ANK2: variants seen among roughly 807,000 people sequenced by gnomAD.
The protein encoded by ANK2 is ankyrin-2.
ANK2 carries 83 observed loss-of-function variants against 360.5 expected under a neutral mutation model. The observed-to-expected ratio is 0.23, with a 90% CI of 0.19 to 0.28. The LOEUF (loss-of-function observed/expected upper bound fraction) is 0.28. ANK2 is among the 10% of genes least tolerant of loss of function. ANK2 has a pLI of 1.00. For missense variants in ANK2, 4,201 were observed against 4,795.7 expected (o/e 0.88, Z 3.66); for synonymous variants, 1,740 against 1,759.5 (o/e 0.99, Z 0.28).
chr4:112,788,661 C>T, the ANK2 span: 49 of 1,601,082 alleles, frequency 3.1e-5, no homozygotes, highest in East Asian at 6.7e-5. Flanking sequence ...CACTTTCAGC[C>T]GCTTATAGAG....
the ANK2 span, among the ~76,000 whole-genome samples, chr4:112,717,786 A>AC: frequency 2.3e-4 from 2 of 8,854 alleles, no homozygotes; most frequent in Admixed American, 2.2e-3. Context: ...TACTTTAAAA[A>AC]AAAAATATTT....
At chr4:113,186,606 T>TCTCC (rs1562729617) in intron 2 of ANK2, among the ~76,000 whole-genome samples, 1 of 129,450 alleles carries the variant, frequency 7.7e-6, no homozygotes, top group African/African-American at 3.0e-5. Flanking sequence ...TCTCTCTCTC[T>TCTCC]CCCTCACTCA....
the ANK2 span, among the ~76,000 whole-genome samples, chr4:112,767,047 A>G: frequency 1.3e-5 from 2 of 152,242 alleles, no homozygotes; most frequent in African/African-American, 4.8e-5. Context: ...TATTGCTCAT[A>G]TATTTTGAAT....
At chr4:113,335,488 T>C (rs1588478363) in intron 29 of ANK2, among the ~76,000 whole-genome samples, 1 of 152,190 alleles carries the variant, frequency 6.6e-6, no homozygotes, top group Admixed American at 6.5e-5. Flanking sequence ...TTCCATCACA[T>C]GAACCAGGAA....
intron 2 of ANK2, among the ~76,000 whole-genome samples, chr4:113,000,736 TC>T (rs1485815753): frequency 2.6e-5 from 4 of 152,192 alleles, no homozygotes; most frequent in Non-Finnish European, 4.4e-5. Flanking sequence ...GCCAATCACA[TC>T]ATCCACCAGC....
Position 112,855,265 on chromosome 4 carries a change from G to A in ANK2, c.-40+37001G>A, listed in dbSNP as rs115107205. Among the ~76,000 whole-genome samples, 488 of 152,298 alleles carry A rather than the reference G, an allele frequency of 3.2e-3. 2 individuals carry two copies. The highest frequency in any genetic ancestry group is 0.011 in the African/African-American group (461 of 41,566). ...TGCTGGCCCAGAGCTGTGTTCTTCTGTAATCTCTCACTGTCCACCAGTCTG... is the reference window on the plus strand; with the variant it reads ...TGCTGGCCCAGAGCTGTGTTCTTCTATAATCTCTCACTGTCCACCAGTCTG... On this transcript the variant is annotated intron_variant, in intron 1 of 30. Coordinates refer to the ANK2 transcript ENST00000503271.
chr4:112,795,207 C>G, the ANK2 span, among the ~76,000 whole-genome samples: 2 of 152,250 alleles, frequency 1.3e-5, no homozygotes, highest in Admixed American at 1.3e-4. Context: ...ATTGAGATTA[C>G]CACTCTCCAC....
intron 1 of ANK2, among the ~76,000 whole-genome samples, chr4:112,877,957 C>T (rs1004251119): frequency 2.0e-5 from 3 of 152,188 alleles, no homozygotes; most frequent in Non-Finnish European, 4.4e-5. Context: ...TAAAAAATTA[C>T]TTGTTGAATG....
At chr4:113,326,042 T>G (rs1276652486) in intron 26 of ANK2, among the ~76,000 whole-genome samples, 1 of 152,210 alleles carries the variant, frequency 6.6e-6, no homozygotes, top group Non-Finnish European at 1.5e-5. Flanking sequence ...ATCACATTGA[T>G]TCAGTCAACT....
the ANK2 span, among the ~76,000 whole-genome samples, chr4:112,793,977 G>A: frequency 3.3e-5 from 5 of 152,094 alleles, no homozygotes; most frequent in Admixed American, 1.3e-4. Flanking sequence ...GATTACAGGC[G>A]TGAGCCACTG....
At chr4:112,994,491 G>A (rs6820742) in intron 2 of ANK2, among the ~76,000 whole-genome samples, 116,728 of 152,102 alleles carry the variant, frequency 0.77, 45,021 homozygotes, top group East Asian at 0.9. Flanking sequence ...AGTATTGTGG[G>A]AGTTTTCTGT....
chr4:113,254,490 C>T (rs1209548018), intron 10 of ANK2, among the ~76,000 whole-genome samples: 1 of 152,220 alleles, frequency 6.6e-6, no homozygotes, highest in Non-Finnish European at 1.5e-5. Flanking sequence ...ACACTCCAGT[C>T]CAAACGTCAT....
intron 44 of ANK2, 26 bp downstream of exon 44, chr4:113,373,199 G>A (rs2154073769): frequency 1.2e-6 from 2 of 1,611,290 alleles, no homozygotes; most frequent in Non-Finnish European, 1.7e-6. Context: ...TCCTAACAGG[G>A]TTGATTACAA....
chr4:112,883,894 A>G (rs938355968), intron 1 of ANK2, among the ~76,000 whole-genome samples: 3 of 148,554 alleles, frequency 2.0e-5, no homozygotes, highest in Non-Finnish European at 3.0e-5. Context: ...ATATATGTGT[A>G]TATATATATA....
intron 2 of ANK2, among the ~76,000 whole-genome samples, chr4:113,190,638 T>C (rs1241194771): frequency 6.6e-6 from 1 of 151,994 alleles, no homozygotes; most frequent in African/African-American, 2.4e-5. Context: ...AGGCCATTGG[T>C]TTTTGTGTTA....
At chr4:112,761,134 C>A in the ANK2 span, among the ~76,000 whole-genome samples, 1 of 151,848 alleles carries the variant, frequency 6.6e-6, no homozygotes. Flanking sequence ...AAAGTAAACA[C>A]GTGCATTTTT....
At position 113,108,253 on chromosome 4, in the gene ANK2, A is replaced by G. The variant is rs148655440; in HGVS notation, c.84+58441A>G. ...AACAATCTGATTGTAGAACTTCTAAATATTTTCGAAGCTTCCTCCCCAATC... is the reference window on the plus strand; with the variant it reads ...AACAATCTGATTGTAGAACTTCTAAGTATTTTCGAAGCTTCCTCCCCAATC... On this transcript the variant is annotated intron_variant, in intron 1 of 45. Coordinates refer to ENST00000357077, the MANE Select transcript of ANK2 (RefSeq NM_001148.6). Among the ~76,000 whole-genome samples the G allele has an allele frequency of 9.1e-3, 1,385 of 152,270 alleles. 24 individuals carry two copies. Among genetic ancestry groups the G allele is most frequent in the African/African-American group, 0.03 (1,242 of 41,566 alleles).
At chr4:113,059,295 A>C (rs557612072) in intron 1 of ANK2, among the ~76,000 whole-genome samples, 1 of 152,244 alleles carries the variant, frequency 6.6e-6, no homozygotes, top group South Asian at 2.1e-4. Context: ...ATTTTCTGTA[A>C]AGTTGACACA....
chr4:113,145,750 G>A (rs903115338), intron 1 of ANK2: 1 of 1,206,400 alleles, frequency 8.3e-7, no homozygotes, highest in African/African-American at 1.6e-5. Flanking sequence ...GAAGGGAACT[G>A]AGCAGAGGAG....
Sources: allele counts gnomAD v4.1 joint callset (sites outside exome capture counted in the v4.1 genomes callset), GRCh38; gene constraint gnomAD v4.1.1; transcripts MANE v1.5; gene names NCBI Gene and HGNC (gene_info 2026-07-23, HGNC 2026-07-21).